SYT16: variants seen among roughly 807,000 people sequenced by gnomAD.
The protein encoded by SYT16 is synaptotagmin 16.
In SYT16, 42 loss-of-function variants were observed where a neutral mutation model predicts 61.4. The ratio of observed to expected loss-of-function variants is 0.68; its 90% CI spans 0.53 to 0.89. The LOEUF is 0.89. SYT16 is among the 40% of genes least tolerant of loss of function. SYT16 has a pLI of 0.00. For missense variants in SYT16, 804 were observed against 807.3 expected (o/e 1.00, Z 0.05); for synonymous variants, 314 against 302.3 (o/e 1.04, Z -0.40).
chr14:61,835,749 C>A (rs1312080961), intron 1 of SYT16, among the ~76,000 whole-genome samples: 1 of 152,066 alleles, frequency 6.6e-6, no homozygotes, highest in East Asian at 1.9e-4. Flanking sequence ...CCAAATTTCC[C>A]TACAGAAGGA....
Position 62,101,923 on chromosome 14 carries a change from C to T in SYT16, c.*1216C>T, listed in dbSNP as rs1339445098. On this transcript the variant is annotated 3_prime_UTR_variant, in exon 8 of 8. Coordinates refer to ENST00000683842, the MANE Select transcript of SYT16 (RefSeq NM_001367656.1). ...TATGAGCATGGGATTTTACTTATGA[C>T]TTAATTTTACATATTTATGCAGTGC... 6.6e-6 allele frequency: 1 copy of T among 152,114 alleles called. No homozygotes were observed. The highest frequency in any genetic ancestry group is 1.5e-5 in the Non-Finnish European group (1 of 68,022). The allele number at this position is 152,114 out of a possible 1,614,324, so 9.4% of individuals were successfully genotyped here.
chr14:61,898,336 C>T (rs1487771852), intron 1 of SYT16, among the ~76,000 whole-genome samples: 1 of 152,192 alleles, frequency 6.6e-6, no homozygotes, highest in Non-Finnish European at 1.5e-5. Context: ...ACGAGGCATG[C>T]AAGAGAGACC....
At chr14:62,084,949 A>G (rs1260464136) in intron 7 of SYT16, among the ~76,000 whole-genome samples, 1 of 152,232 alleles carries the variant, frequency 6.6e-6, no homozygotes, top group African/African-American at 2.4e-5. Context: ...AATGCACAAG[A>G]AATGTTAATG....
Position 62,103,395 on chromosome 14 carries a change from C to G in SYT16, c.*2688C>G, listed in dbSNP as rs1323510350. The G allele has an allele frequency of 6.6e-6, 1 of 152,152 alleles. No individual in the cohort carries two copies. The highest frequency in any genetic ancestry group is 1.5e-5 in the Non-Finnish European group (1 of 68,018). 9.4% of individuals were successfully genotyped at this position (152,152 alleles called of 1,614,324 possible). On this transcript the variant is annotated 3_prime_UTR_variant, in exon 8 of 8. Coordinates refer to ENST00000683842, the MANE Select transcript of SYT16 (RefSeq NM_001367656.1). ...ACTGGTTTTTGTTGCTTGAGTAGGT[C>G]TTTCAGCGATTTTGCCTGAAGAGCA...
intron 7 of SYT16, among the ~76,000 whole-genome samples, chr14:62,094,553 A>G (rs2057200409): frequency 6.6e-6 from 1 of 152,016 alleles, no homozygotes; most frequent in South Asian, 2.1e-4. Context: ...ATATCCTCTG[A>G]TATTAGTTTA....
chr14:61,818,101 TGTGAA>T (rs1275276114), intron 1 of SYT16, among the ~76,000 whole-genome samples: 6 of 152,230 alleles, frequency 3.9e-5, no homozygotes, highest in African/African-American at 1.2e-4. Context: ...CTAATTCTGT[TGTGAA>T]GTGATAATGT....
At chr14:61,852,159 A>G (rs1310043835) in intron 1 of SYT16, among the ~76,000 whole-genome samples, 2 of 151,990 alleles carry the variant, frequency 1.3e-5, no homozygotes, top group Non-Finnish European at 2.9e-5. Flanking sequence ...TCCCAGCACC[A>G]TTTATTAAAT....
chr14:61,934,419 T>G (rs1403173671), intron 1 of SYT16, among the ~76,000 whole-genome samples: 3 of 152,216 alleles, frequency 2.0e-5, no homozygotes, highest in Non-Finnish European at 4.4e-5. Context: ...ACAAAAAATG[T>G]AGAATGCTTT....
At chr14:61,851,527 G>T (rs1258812805) in intron 1 of SYT16, among the ~76,000 whole-genome samples, 1 of 152,140 alleles carries the variant, frequency 6.6e-6, no homozygotes, top group Non-Finnish European at 1.5e-5. Context: ...ACTCCCACCA[G>T]TAGTGTAAAA....
At chr14:61,848,854 C>A (rs1235567638) in intron 1 of SYT16, among the ~76,000 whole-genome samples, 14 of 152,188 alleles carry the variant, frequency 9.2e-5, no homozygotes, top group Admixed American at 9.2e-4. Flanking sequence ...CTTTACCTTT[C>A]CCTCTGCTTT....
chr14:61,870,057 CT>C (rs891378167), intron 1 of SYT16, among the ~76,000 whole-genome samples: 1 of 152,182 alleles, frequency 6.6e-6, no homozygotes, highest in African/African-American at 2.4e-5. Flanking sequence ...TCTAGTCACT[CT>C]TTTACCATTT....
chr14:62,067,714 C>T (rs1440822838), intron 3 of SYT16, among the ~76,000 whole-genome samples: 1 of 152,128 alleles, frequency 6.6e-6, no homozygotes, highest in African/African-American at 2.4e-5. Context: ...AATAAATTAA[C>T]AATAGGCTGG....
intron 1 of SYT16, among the ~76,000 whole-genome samples, chr14:61,902,198 C>G (rs1339119506): frequency 6.6e-6 from 1 of 152,140 alleles, no homozygotes; most frequent in Non-Finnish European, 1.5e-5. Context: ...CTCTATGTGC[C>G]CCTTAGGAAA....
chr14:62,093,445 GTCTC>G (rs978676674), intron 7 of SYT16, among the ~76,000 whole-genome samples: 1 of 151,884 alleles, frequency 6.6e-6, no homozygotes, highest in African/African-American at 2.4e-5. Flanking sequence ...TTAGATTAAG[GTCTC>G]TCTCTTTTTC....
chr14:61,854,701 T>C (rs1258220282), intron 1 of SYT16, among the ~76,000 whole-genome samples: 1 of 152,250 alleles, frequency 6.6e-6, no homozygotes, highest in African/African-American at 2.4e-5. Context: ...CCAACATTGA[T>C]TGCCTCCCTA....
chr14:61,976,874 T>G (rs1409567036), intron 2 of SYT16, among the ~76,000 whole-genome samples: 1 of 152,204 alleles, frequency 6.6e-6, no homozygotes, highest in Middle Eastern at 3.2e-3. Context: ...AGAAAATGTT[T>G]TTTTTTTTCT....
intron 1 of SYT16, among the ~76,000 whole-genome samples, chr14:61,931,343 A>G (rs537459911): frequency 1.3e-5 from 2 of 152,188 alleles, no homozygotes; most frequent in East Asian, 1.9e-4. Context: ...TGGAGCCAAC[A>G]TATATTCTTT....
At chr14:62,061,664 T>C (rs1463321856) in intron 3 of SYT16, among the ~76,000 whole-genome samples, 1 of 152,136 alleles carries the variant, frequency 6.6e-6, no homozygotes, top group African/African-American at 2.4e-5. Flanking sequence ...GTATGTTTTG[T>C]AGTGGTAAAG....
intron 7 of SYT16, among the ~76,000 whole-genome samples, chr14:62,086,455 G>C (rs776227140): frequency 6.6e-6 from 1 of 152,182 alleles, no homozygotes; most frequent in African/African-American, 2.4e-5. Flanking sequence ...ACTCCAGCCT[G>C]GGTGACAGAA....
Sources: allele counts gnomAD v4.1 joint callset (sites outside exome capture counted in the v4.1 genomes callset), GRCh38; gene constraint gnomAD v4.1.1; transcripts MANE v1.5; gene names NCBI Gene and HGNC (gene_info 2026-07-23, HGNC 2026-07-21).